Variants in MYO16 observed in about 807,000 individuals in gnomAD.
MYO16 encodes the protein unconventional myosin-XVI.
A neutral mutation model predicts 205.3 loss-of-function variants in MYO16; 94 were observed. The observed-to-expected ratio is 0.46, with a 90% confidence interval of 0.39 to 0.54. The LOEUF (loss-of-function observed/expected upper bound fraction) is 0.54. Among genes scored for constraint, MYO16 ranks in the 20% least tolerant of loss-of-function variants. The pLI is 0.00. For synonymous variants in MYO16, 988 were observed against 954.0 expected, an observed-to-expected ratio of 1.04 and a Z score of -0.66; for missense variants, 2,315 against 2,387.5, an observed-to-expected ratio of 0.97 and a Z score of 0.63.
intron 27 of MYO16, among the ~76,000 whole-genome samples, chr13:109,064,369 T>A (rs1174617847): frequency 6.6e-6 from 1 of 152,188 alleles, no homozygotes; most frequent in Non-Finnish European, 1.5e-5. Flanking sequence ...AAGGAAAAAG[T>A]CTGATCTACT....
At chr13:108,528,473 T>C in the MYO16 span, among the ~76,000 whole-genome samples, 2 of 151,968 alleles carry the variant, frequency 1.3e-5, no homozygotes, top group African/African-American at 4.8e-5. Flanking sequence ...AAAATGCTAG[T>C]TCATGTATTA....
chr13:108,505,770 T>C, the MYO16 span, among the ~76,000 whole-genome samples: 2 of 152,158 alleles, frequency 1.3e-5, no homozygotes, highest in East Asian at 1.9e-4. Flanking sequence ...TTTCATCATA[T>C]GTTTTTTTCT....
chr13:109,047,374 G>C (rs1377831825), intron 24 of MYO16, among the ~76,000 whole-genome samples: 1 of 152,090 alleles, frequency 6.6e-6, no homozygotes, highest in African/African-American at 2.4e-5. Flanking sequence ...ACAACTAAGG[G>C]TGGTATTTTA....
chr13:108,897,274 T>C (rs976293322), intron 14 of MYO16, among the ~76,000 whole-genome samples: 7 of 152,182 alleles, frequency 4.6e-5, no homozygotes, highest in African/African-American at 1.4e-4. Context: ...AGTCAATTGA[T>C]GAAGAAGCAG....
In MYO16 at chr13:108,999,522, A is replaced by G. The variant is rs528231660; in HGVS notation, c.2442+7074A>G. 1.4e-4 allele frequency among the ~76,000 whole-genome samples: 22 copies of G among 152,302 alleles called. 1 individual carries two copies. Among genetic ancestry groups the G allele is most frequent in the Admixed American group, 1.2e-3 (18 of 15,298 alleles). ...AAATAATGAGATGCTAGTATAATAT[A>G]CCTCTTACAATCATATTGGATTCTG... is the stretch of plus-strand genomic sequence containing the variant. On this transcript the variant is annotated intron_variant, in intron 21 of 34. Coordinates refer to ENST00000457511, the MANE Select transcript of MYO16 (RefSeq NM_001198950.3).
chr13:108,817,234 A>G (rs1244830795), intron 7 of MYO16, among the ~76,000 whole-genome samples: 1 of 152,240 alleles, frequency 6.6e-6, no homozygotes, highest in African/African-American at 2.4e-5. Flanking sequence ...CTGAAATGAC[A>G]TATGTCTATA....
intron 16 of MYO16, among the ~76,000 whole-genome samples, chr13:108,940,671 A>G (rs964457467): frequency 6.6e-6 from 1 of 152,180 alleles, no homozygotes; most frequent in Admixed American, 6.5e-5. Context: ...TAGGATTACT[A>G]TTTGAAACAA....
In MYO16 at chr13:108,767,196, G is replaced by T. The variant is rs368346303; in HGVS notation, c.508-18439G>T. Among the ~76,000 whole-genome samples the T allele has an allele frequency of 3.9e-4, 60 of 152,082 alleles. 3 individuals are homozygous for T. In the South Asian group the frequency reaches 0.011, roughly 28 times the overall value. On this transcript the variant is annotated intron_variant, in intron 4 of 34. Coordinates refer to ENST00000457511, the MANE Select transcript of MYO16 (RefSeq NM_001198950.3). ...CGGCTCACTGCAAGCTCCGCCTCCC[G>T]GGTTCACGCCATTCTCCTGCCTCAG...
intron 1 of MYO16, among the ~76,000 whole-genome samples, chr13:108,635,194 C>T (rs1880166757): frequency 6.6e-6 from 1 of 152,148 alleles, no homozygotes; most frequent in Non-Finnish European, 1.5e-5. Context: ...TGAGGAGTAG[C>T]ACTTCAGATT....
chr13:108,965,762 C>A (rs1883769765), intron 20 of MYO16, among the ~76,000 whole-genome samples: 2 of 152,182 alleles, frequency 1.3e-5, no homozygotes, highest in Admixed American at 1.3e-4. Flanking sequence ...AAAATTATAT[C>A]TCTCCATTAC....
At chr13:108,691,300 G>A (rs1594212803) in intron 2 of MYO16, among the ~76,000 whole-genome samples, 2 of 151,870 alleles carry the variant, frequency 1.3e-5, no homozygotes, top group East Asian at 1.9e-4. Context: ...AATCTGCCAG[G>A]TTTTTGCCTA....
intron 23 of MYO16, among the ~76,000 whole-genome samples, chr13:109,034,239 T>C (rs1185496892): frequency 6.6e-6 from 1 of 152,212 alleles, no homozygotes; most frequent in Admixed American, 6.5e-5. Flanking sequence ...ACATTCCAAA[T>C]TTTACAAATG....
In MYO16 at chr13:109,140,466, GC is replaced by G. The variant is rs1302085893; in HGVS notation, c.4259del (p.Pro1420ArgfsTer38). 5.2e-6 allele frequency: 8 copies of G among 1,536,564 alleles called. No individual in the cohort carries two copies. Among genetic ancestry groups the G allele is most frequent in the African/African-American group, 2.8e-5 (2 of 70,816 alleles). The part of the protein sequence containing the change: ...LTPGTPQCAL[P>X]PAAPPGDEDD... Reference sequence around the variant, plus strand: ...CCCCCGGGACTCCGCAGTGCGCGCTGCCCCCGGCGGCGCCTCCGGGTGACGA... The same window carrying G: ...CCCCCGGGACTCCGCAGTGCGCGCTGCCCCGGCGGCGCCTCCGGGTGACGA... On this transcript the variant is annotated frameshift_variant, in exon 32 of 35. Transcript: ENST00000457511. LOFTEE classifies it high-confidence loss of function. The surrounding 1 kb of genome is among the most constrained non-coding windows in gnomAD (Gnocchi z 8.0).
intron 28 of MYO16, among the ~76,000 whole-genome samples, chr13:109,103,705 C>T (rs1013405361): frequency 2.0e-5 from 3 of 152,174 alleles, no homozygotes; most frequent in Admixed American, 6.5e-5. Context: ...AATTCTTATA[C>T]TCTCCAACAT....
intron 28 of MYO16, among the ~76,000 whole-genome samples, chr13:109,118,903 C>T (rs1875851860): frequency 6.6e-6 from 1 of 152,014 alleles, no homozygotes; most frequent in Admixed American, 6.6e-5. Context: ...TTTCAACCAA[C>T]TAAAAGAAAC....
At chr13:108,864,642 C>T (rs1221713578) in intron 11 of MYO16, among the ~76,000 whole-genome samples, 1 of 152,010 alleles carries the variant, frequency 6.6e-6, no homozygotes, top group Non-Finnish European at 1.5e-5. Flanking sequence ...GATCCTCCTG[C>T]CTCAGCTTCC....
Position 109,040,543 on chromosome 13 carries a change from A to G in MYO16, c.2797-6373A>G, listed in dbSNP as rs1368823668. ...TTTTGTTTTCTTTTTCTGGGGATGC[A>G]CAGCTGATTCAATATCTCAAAATCT... is the stretch of plus-strand genomic sequence containing the variant. On this transcript the variant is annotated intron_variant, in intron 23 of 34. Coordinates refer to ENST00000457511, the MANE Select transcript of MYO16 (RefSeq NM_001198950.3). 2.0e-5 allele frequency among the ~76,000 whole-genome samples: 3 copies of G among 152,128 alleles called. No homozygotes were observed. The East Asian group carries it at 5.8e-4, about 29-fold the overall frequency.
At chr13:109,095,007 C>G (rs1489566264) in intron 27 of MYO16, among the ~76,000 whole-genome samples, 1 of 152,136 alleles carries the variant, frequency 6.6e-6, no homozygotes, top group Non-Finnish European at 1.5e-5. Flanking sequence ...CTAGGAGCAT[C>G]CCCAGCACAG....
chr13:108,973,295 G>C (rs72654068), intron 20 of MYO16, among the ~76,000 whole-genome samples: 4,633 of 152,078 alleles, frequency 0.03, 122 homozygotes, highest in Admixed American at 0.081. Context: ...TTAAATAACA[G>C]AAGGAAGTAT....
Sources: allele counts gnomAD v4.1 joint callset (sites outside exome capture counted in the v4.1 genomes callset), GRCh38; gene constraint gnomAD v4.1.1; non-coding constraint Gnocchi (gnomAD v3.1); transcripts MANE v1.5; gene names NCBI Gene and HGNC (gene_info 2026-07-23, HGNC 2026-07-21).